The following PKP3 variants were observed in gnomAD, a reference collection of about 807,000 sequenced individuals.
The protein encoded by PKP3 is plakophilin 3, also known as plakophilin-3.
In PKP3, 66 loss-of-function variants were observed where a neutral mutation model predicts 76.5. The ratio of observed to expected loss-of-function variants is 0.86; its 90% CI spans 0.71 to 1.06. The LOEUF (loss-of-function observed/expected upper bound fraction) is 1.06. Ranked by LOEUF, PKP3 falls within the 50% of genes least tolerant of loss-of-function variation. The probability of loss-of-function intolerance (pLI) is 0.00; values close to 1 mark genes in which losing one functional copy is unlikely to be tolerated. For missense variants in PKP3, 1,338 were observed against 1,141.0 expected (o/e 1.17, Z -2.49); for synonymous variants, 638 against 516.5 (o/e 1.24, Z -3.19).
Position 396,822 on chromosome 11 carries a change from G to T in PKP3, c.321G>T (p.Arg107=). ...CCCCTCTCGACCCACAGGGCTTCCG[G>T]CCCATCGCCAAGCCGGCCTACAGCC... ...GLSGDKTSGF[R]PIAKPAYSPA... Residue 107 remains arginine (R), a synonymous_variant, in exon 3 of 13, where the codon CGG becomes CGT. Transcript: ENST00000331563. 6.3e-7 allele frequency: 1 copy of T among 1,587,282 alleles called. No individual in the cohort carries two copies. Among genetic ancestry groups the T allele is most frequent in the Non-Finnish European group, 8.5e-7 (1 of 1,171,564 alleles).
rs1590355300 is a variant in PKP3, at chr11:398,919, A to C, written c.1069-73A>C. The stretch of plus-strand genomic sequence containing the variant: ...CATATCTACATCTACGCACCTGGAC[A>C]CAGCTGCACACAGGTGCATAGTCTG... On this transcript the variant is annotated intron_variant, in intron 4 of 12. Coordinates refer to ENST00000331563, the MANE Select transcript of PKP3 (RefSeq NM_007183.4). 3 of 1,171,148 alleles carry C rather than the reference A, an allele frequency of 2.6e-6. No homozygotes were observed. The African/African-American group carries it at 4.6e-5, about 18-fold the overall frequency. 72.5% of individuals were successfully genotyped at this position (1,171,148 alleles called of 1,614,324 possible).
Position 404,646 on chromosome 11 carries a change from C to T in PKP3, c.*77C>T. The stretch of plus-strand genomic sequence containing the variant: ...CTCAGCTCCAGGCTGCTTGGCAGCC[C>T]AGCCTGGAGGAGAAGGCTAATGACG... On this transcript the variant is annotated 3_prime_UTR_variant, in exon 13 of 13. Transcript: ENST00000331563. The surrounding 1 kb of genome is among the most constrained non-coding windows in gnomAD (Gnocchi z 4.2). 1 of 1,435,878 alleles carries T rather than the reference C, an allele frequency of 7.0e-7. No individual in the cohort carries two copies. The highest frequency in any genetic ancestry group is 2.3e-5 in the East Asian group (1 of 43,848). The allele number at this position is 1,435,878 out of a possible 1,614,324, so 88.9% of individuals were successfully genotyped here.
At position 399,035 on chromosome 11, in the gene PKP3, A is replaced by G. The variant is rs777768455; in HGVS notation, c.1112A>G (p.Asn371Ser). The G allele has an allele frequency of 1.6e-5, 26 of 1,604,834 alleles. No individual in the cohort carries two copies. The highest frequency in any genetic ancestry group is 4.0e-5 in the African/African-American group (3 of 74,696). Residue 371 changes from asparagine to serine, a missense_variant, in exon 5 of 13, where the codon AAC becomes AGC. By Grantham distance (46) the Asn-to-Ser change is conservative. Transcript: ENST00000331563. ...QAVPRLVKLF[N>S]HANQEVQRHA... ...GTGCCTAGGCTGGTGAAGCTCTTCA[A>G]CCACGCCAACCAGGAAGTGCAGCGC...
At chr11:395,263 T>TA (rs139908091) in intron 1 of PKP3, among the ~76,000 whole-genome samples, 5,520 of 152,272 alleles carry the variant, frequency 0.036, 123 homozygotes, top group Middle Eastern at 0.078. Context: ...GGATTAAGGT[T>TA]AGACAGTAAG....
chr11:396,660 T>G lies in PKP3; in HGVS notation c.285T>G (p.Ser95=). The G allele has an allele frequency of 6.2e-7, 1 of 1,611,334 alleles. No homozygotes were observed. The highest frequency in any genetic ancestry group is 8.5e-7 in the Non-Finnish European group (1 of 1,179,356). The stretch of plus-strand genomic sequence containing the variant: ...TGCAGGCTGGCTTCAGCTCTCGCTC[T>G]CAGGGCCTGAGTGGGGACAAGACCT... ...HTLQAGFSSR[S]QGLSGDKTSG... Residue 95 remains serine (S), a synonymous_variant, in exon 2 of 13, where the codon TCT becomes TCG. Coordinates refer to ENST00000331563, the MANE Select transcript of PKP3 (RefSeq NM_007183.4).
chr11:397,670 C>A lies in PKP3; in HGVS notation c.1068+8C>A. 9.3e-6 allele frequency: 15 copies of A among 1,608,716 alleles called. No homozygotes were observed. Among genetic ancestry groups the A allele is most frequent in the Non-Finnish European group, 1.3e-5 (15 of 1,177,530 alleles). ...GCAGCCGCCAAGAAGCAGGTGACCA[C>A]CCCGACCACCCACTCGCTGCCCCCT... On this transcript the variant is annotated splice_region_variant and intron_variant, in intron 4 of 12. Coordinates refer to ENST00000331563, the MANE Select transcript of PKP3 (RefSeq NM_007183.4).
chr11:403,880 G>T (rs10794318), intron 10 of PKP3, 63 bp from the exon 11 acceptor site: 11 of 1,561,832 alleles, frequency 7.0e-6, no homozygotes, highest in East Asian at 2.3e-5. Flanking sequence ...GGGGGAGGCA[G>T]GGGACCCCAG....
At position 396,937 on chromosome 11, in the gene PKP3, G is replaced by A. The variant is rs73400573; in HGVS notation, c.436G>A (p.Ala146Thr). The A allele has an allele frequency of 3.3e-3, 5,249 of 1,594,872 alleles. 158 individuals are homozygous for A. The African/African-American group carries it at 0.059, about 18-fold the overall frequency. ...AHNGGSAFGA[A>T]GYGGAQPTPP... is the part of the protein sequence containing the mutation. ...CAACGGGGGCAGCGCCTTTGGGGCCGCTGGGTACGGGGGTGCCCAGCCCAC... is the reference window on the plus strand; with the variant it reads ...CAACGGGGGCAGCGCCTTTGGGGCCACTGGGTACGGGGGTGCCCAGCCCAC... The change falls in exon 3 of 13, where the codon GCT (alanine) becomes ACT (threonine). Residue 146 changes from alanine to threonine, a missense_variant. By Grantham distance (58) the Ala-to-Thr change is moderately conservative (BLOSUM62 0). Transcript: ENST00000331563.
In PKP3 at chr11:404,527, A is replaced by T; in HGVS notation, c.2359-7A>T. On this transcript the variant is annotated splice_region_variant and splice_polypyrimidine_tract_variant and intron_variant, in intron 12 of 12. Coordinates refer to ENST00000331563, the MANE Select transcript of PKP3 (RefSeq NM_007183.4). This position sits in a 1 kb window ranked among gnomAD's most constrained non-coding sequence, Gnocchi z 4.2. ...GCACCCTGACCTTGGGCCTCTCTCC[A>T]CTGTAGAAGGGCTATCGGAAGGAGG... 1 of 1,612,448 alleles carries T rather than the reference A, an allele frequency of 6.2e-7. No homozygotes were observed. Among genetic ancestry groups the T allele is most frequent in the Non-Finnish European group, 8.5e-7 (1 of 1,179,720 alleles).
Position 394,490 on chromosome 11 carries a change from C to A in PKP3, c.198C>A (p.Ala66=). The A allele has an allele frequency of 7.1e-7, 1 of 1,411,588 alleles. No homozygotes were observed. Among genetic ancestry groups the A allele is most frequent in the Non-Finnish European group, 9.2e-7 (1 of 1,090,506 alleles). 87.4% of individuals were successfully genotyped at this position (1,411,588 alleles called of 1,614,324 possible). Residue 66 remains alanine, a synonymous_variant, in exon 1 of 13, where the codon GCC becomes GCA. Coordinates refer to ENST00000331563, the MANE Select transcript of PKP3 (RefSeq NM_007183.4). ...GACAGCAGCCGCGGCACAACGGGGC[C>A]GCTGAGCCCGAGCCTGAGGCCGAGA... ...QLGQQPRHNG[A]AEPEPEAETA... is the part of the protein sequence containing the mutation.
chr11:400,455 AG>A lies in PKP3; in HGVS notation c.1566+8del. On this transcript the variant is annotated splice_donor_5th_base_variant and intron_variant, in intron 7 of 12. Coordinates refer to ENST00000331563, the MANE Select transcript of PKP3 (RefSeq NM_007183.4). ...CGCGGGCAAATGCGAGGACAAGGTG[AG>A]GGGCGCGGTGTGGAGGAGGGGCCGT... 6.5e-7 allele frequency: 1 copy of A among 1,541,032 alleles called. No homozygotes were observed. Among genetic ancestry groups the A allele is most frequent in the Non-Finnish European group, 8.7e-7 (1 of 1,142,942 alleles).
In PKP3 at chr11:404,808, G is replaced by A; in HGVS notation, c.*239G>A. On this transcript the variant is annotated 3_prime_UTR_variant, in exon 13 of 13. Transcript: ENST00000331563. The surrounding 1 kb of genome is among the most constrained non-coding windows in gnomAD (Gnocchi z 4.2). ...GGGCTCAAGGCTGCTCTGGTGTATG[G>A]GGTGGTGACCCAGTCACATTGGCAG... is the stretch of plus-strand genomic sequence containing the variant. 2 of 567,888 alleles carry A rather than the reference G, an allele frequency of 3.5e-6. No individual in the cohort carries two copies. The highest frequency in any genetic ancestry group is 4.7e-4 in the Middle Eastern group (1 of 2,116). 35.2% of individuals were successfully genotyped at this position (567,888 alleles called of 1,614,324 possible).
chr11:395,963 C>T (rs917686638), intron 1 of PKP3, among the ~76,000 whole-genome samples: 24 of 152,224 alleles, frequency 1.6e-4, no homozygotes, highest in Non-Finnish European at 2.9e-5. Context: ...CCCTCCCATC[C>T]TCCTCCTGCC....
At position 404,838 on chromosome 11, in the gene PKP3, G is replaced by A. The variant is rs1255445073; in HGVS notation, c.*269G>A. On this transcript the variant is annotated 3_prime_UTR_variant, in exon 13 of 13. Transcript: ENST00000331563. The surrounding 1 kb of genome is among the most constrained non-coding windows in gnomAD (Gnocchi z 4.2). ...GTGACCCAGTCACATTGGCAGAGGT[G>A]GGGGTTGGCTGTGGCCTGGCAGTAT... The A allele has an allele frequency of 7.5e-6, 4 of 531,642 alleles. No homozygotes were observed. Among genetic ancestry groups the A allele is most frequent in the African/African-American group, 1.9e-5 (1 of 52,546 alleles). The allele number at this position is 531,642 out of a possible 1,614,324, so 32.9% of individuals were successfully genotyped here.
chr11:394,578 G>A, intron 1 of PKP3, 54 bp downstream of exon 1: 5 of 1,307,890 alleles, frequency 3.8e-6, no homozygotes, highest in Non-Finnish European at 4.9e-6. Context: ...GGTGGCTGCG[G>A]GCGGACGTGA....
intron 6 of PKP3, 46 bp from the exon 7 acceptor site, chr11:400,288 C>CGGGATGCGGGGTCCCTGGG (rs1564880849): frequency 6.7e-6 from 10 of 1,487,446 alleles, no homozygotes; most frequent in Non-Finnish European, 9.1e-6. Flanking sequence ...GGGCAAGGCC[C>CGGGATGCGGGGTCCCTGGG]GGGATGCGGG....
rs766778646 is a variant in PKP3 at position 403,225 on chromosome 11, G to T, written c.1885G>T (p.Ala629Ser). 6.9e-6 allele frequency: 11 copies of T among 1,587,998 alleles called. No individual in the cohort carries two copies. In the Admixed American group the frequency reaches 7.1e-5, roughly 10 times the overall value. The part of the protein sequence containing the change: ...ELNRHTTEAA[A>S]GALQNITAGD... ...CAACCGGCACACGACGGAGGCGGCC[G>T]CCGGGGCGCTGCAGAACATCACGGC... The change falls in exon 9 of 13, where the codon GCC (alanine) becomes TCC (serine). Residue 629 changes from alanine (A) to serine (S), a missense_variant. Coordinates refer to ENST00000331563, the MANE Select transcript of PKP3 (RefSeq NM_007183.4).
At chr11:403,543 C>T in intron 9 of PKP3, 75 bp from the exon 10 acceptor site, 1 of 1,449,648 alleles carries the variant, frequency 6.9e-7, no homozygotes, top group Non-Finnish European at 9.4e-7. Flanking sequence ...GATGCAGCGA[C>T]CCCATTGTGG....
intron 2 of PKP3, 32 bp downstream of exon 2, chr11:396,719 T>A (rs1408648343): frequency 6.3e-7 from 1 of 1,595,018 alleles, no homozygotes; most frequent in East Asian, 2.2e-5. Context: ...AGGGGGACGA[T>A]CTGAGCTCTG....
Sources: allele counts gnomAD v4.1 joint callset (sites outside exome capture counted in the v4.1 genomes callset), GRCh38; gene constraint gnomAD v4.1.1; non-coding constraint Gnocchi (gnomAD v3.1); transcripts MANE v1.5; gene names NCBI Gene and HGNC (gene_info 2026-07-23, HGNC 2026-07-21).